SLIT3: variants seen among roughly 807,000 people sequenced by gnomAD.
SLIT3 encodes slit guidance ligand 3.
Under a neutral mutation model 184.0 loss-of-function variants are expected in SLIT3, and 68 were observed. The observed-to-expected ratio is 0.37, with a 90% CI of 0.30 to 0.45. The LOEUF is 0.45. Among genes scored for constraint, SLIT3 ranks in the 20% least tolerant of loss-of-function variants. The probability of loss-of-function intolerance (pLI) is 1.00; values close to 1 mark genes in which losing one functional copy is unlikely to be tolerated. For synonymous variants in SLIT3, 831 were observed against 828.6 expected (o/e 1.00, Z -0.05); for missense variants, 1,707 against 2,026.0 (o/e 0.84, Z 3.02).
chr5:168,910,060 T>C (rs539922167), intron 4 of SLIT3, among the ~76,000 whole-genome samples: 6 of 152,354 alleles, frequency 3.9e-5, no homozygotes, highest in African/African-American at 1.4e-4. Context: ...CAGCACATCA[T>C]CAAATGATTG....
At chr5:168,972,454 T>A (rs1268375308) in intron 4 of SLIT3, among the ~76,000 whole-genome samples, 1 of 151,504 alleles carries the variant, frequency 6.6e-6, no homozygotes, top group Non-Finnish European at 1.5e-5. Flanking sequence ...ACCCTTTTCC[T>A]AGGATTGCTT....
At position 168,724,472 on chromosome 5, in the gene SLIT3, T is replaced by TG. The variant is rs1423498486; in HGVS notation, c.2282_2283insC (p.Asn762LysfsTer20). The TG allele has an allele frequency of 1.2e-6, 2 of 1,612,940 alleles. No homozygotes were observed. Among genetic ancestry groups the TG allele is most frequent in the African/African-American group, 2.7e-5 (2 of 74,910 alleles). On this transcript the variant is annotated frameshift_variant, in exon 21 of 36. Coordinates refer to ENST00000519560, the MANE Select transcript of SLIT3 (RefSeq NM_003062.4). LOFTEE classifies it high-confidence loss of function. ...CTCTGGGCACGGCTGTTAGGTGGTT[T>TG]CCTTCCAGGTACCTGAAAGAGGTGT...
intron 4 of SLIT3, among the ~76,000 whole-genome samples, chr5:169,051,457 T>C (rs1757812138): frequency 6.6e-6 from 1 of 152,148 alleles, no homozygotes; most frequent in Non-Finnish European, 1.5e-5. Context: ...AGCTTTTACC[T>C]TCCAGAGGAG....
chr5:168,823,642 T>C (rs1757608759), intron 6 of SLIT3, among the ~76,000 whole-genome samples: 1 of 152,206 alleles, frequency 6.6e-6, no homozygotes, highest in African/African-American at 2.4e-5. Context: ...CATCTCTAAT[T>C]CTTACATCTA....
chr5:169,262,480 C>A (rs1405357844), intron 1 of SLIT3, among the ~76,000 whole-genome samples: 3 of 152,072 alleles, frequency 2.0e-5, no homozygotes, highest in African/African-American at 7.2e-5. Context: ...GTCCAGGTGA[C>A]GGCAGCAGAG....
chr5:169,063,849 C>T (rs911945718), intron 4 of SLIT3, among the ~76,000 whole-genome samples: 13 of 152,214 alleles, frequency 8.5e-5, no homozygotes, highest in Non-Finnish European at 7.3e-5. Context: ...TTAACAACTA[C>T]TGCAAAATAT....
rs1469487225 is a variant in SLIT3 at position 169,251,470 on chromosome 5, G to A, written c.198-11C>T. Reference sequence around the variant, plus strand: ...TTTCTGTCCAGGTCACTGCAATGGAGAGCAAATTCAGGTCAGATTTTTGTG... The same window carrying A: ...TTTCTGTCCAGGTCACTGCAATGGAAAGCAAATTCAGGTCAGATTTTTGTG... On this transcript the variant is annotated splice_polypyrimidine_tract_variant and intron_variant, in intron 1 of 35. Transcript: ENST00000519560. 9.4e-6 allele frequency: 15 copies of A among 1,600,742 alleles called. No homozygotes were observed. Among genetic ancestry groups the A allele is most frequent in the South Asian group, 5.5e-5 (5 of 90,778 alleles).
chr5:169,233,403 TC>T (rs1478223204), intron 3 of SLIT3, among the ~76,000 whole-genome samples: 6 of 95,598 alleles, frequency 6.3e-5, no homozygotes, highest in Non-Finnish European at 1.1e-4. Context: ...ATAGAAATTG[TC>T]TTTTTTTTTT....
chr5:169,053,218 T>C (rs1445611381), intron 4 of SLIT3, among the ~76,000 whole-genome samples: 1 of 152,246 alleles, frequency 6.6e-6, no homozygotes, highest in Non-Finnish European at 1.5e-5. Flanking sequence ...CCAGAATGAA[T>C]GAAGGGTCAA....
At chr5:169,028,213 A>T (rs1756898448) in intron 4 of SLIT3, among the ~76,000 whole-genome samples, 1 of 150,970 alleles carries the variant, frequency 6.6e-6, no homozygotes, top group Non-Finnish European at 1.5e-5. Context: ...GCCAGGGGTT[A>T]TTTCTCCAAA....
intron 4 of SLIT3, among the ~76,000 whole-genome samples, chr5:169,081,201 C>T (rs181748974): frequency 2.2e-3 from 337 of 152,332 alleles, no homozygotes; most frequent in Non-Finnish European, 3.6e-3. Context: ...CTCTGCCTCC[C>T]GCTCTGGGGC....
At chr5:169,247,248 G>T (rs200797527) in intron 2 of SLIT3, among the ~76,000 whole-genome samples, 1 of 39,506 alleles carries the variant, frequency 2.5e-5, no homozygotes, top group African/African-American at 2.3e-4. Context: ...TTCCCTTCTC[G>T]TCTTCCTTTT....
chr5:169,240,878 T>C (rs974265703), intron 3 of SLIT3, among the ~76,000 whole-genome samples: 2 of 105,586 alleles, frequency 1.9e-5, no homozygotes, highest in Non-Finnish European at 4.1e-5. Flanking sequence ...ATTTTTTGGC[T>C]TTTTTTTTTT....
At chr5:168,912,190 T>C (rs1761273268) in intron 4 of SLIT3, among the ~76,000 whole-genome samples, 1 of 152,224 alleles carries the variant, frequency 6.6e-6, no homozygotes. Flanking sequence ...ATTTTTCCCC[T>C]AGCTTACTTT....
At chr5:168,766,116 A>G (rs1581057399) in intron 14 of SLIT3, among the ~76,000 whole-genome samples, 1 of 152,190 alleles carries the variant, frequency 6.6e-6, no homozygotes, top group Non-Finnish European at 1.5e-5. Context: ...CAGGTCCAGG[A>G]TGGCTGCTGC....
chr5:168,709,014 T>G (rs1762463626), intron 25 of SLIT3, among the ~76,000 whole-genome samples: 1 of 152,058 alleles, frequency 6.6e-6, no homozygotes, highest in Non-Finnish European at 1.5e-5. Context: ...GACACAGAGC[T>G]TTCAGTGCTA....
rs574465987 is a variant in SLIT3, at chr5:168,801,096, C to T, written c.935+5350G>A. On this transcript the variant is annotated intron_variant, in intron 9 of 35. Transcript: ENST00000519560. ...GTAAGAGGCAGAACAAGGATTCGAA[C>T]CCCCAAGTGTGGATCCCAATGCTCT... Among the ~76,000 whole-genome samples the T allele has an allele frequency of 5.9e-5, 9 of 152,214 alleles. No individual in the cohort carries two copies. In the South Asian group the frequency reaches 1.9e-3, roughly 32 times the overall value.
At chr5:169,250,029 A>C (rs1370742427) in intron 2 of SLIT3, among the ~76,000 whole-genome samples, 3 of 152,206 alleles carry the variant, frequency 2.0e-5, no homozygotes, top group African/African-American at 7.2e-5. Flanking sequence ...TCATTGTCTT[A>C]GTTTTCTTAG....
At chr5:168,693,203 G>A (rs1324973727) in intron 28 of SLIT3, among the ~76,000 whole-genome samples, 2 of 152,190 alleles carry the variant, frequency 1.3e-5, no homozygotes, top group African/African-American at 4.8e-5. Flanking sequence ...TTGTAGGTGT[G>A]ACCAGAAGGG....
Sources: allele counts gnomAD v4.1 joint callset (sites outside exome capture counted in the v4.1 genomes callset), GRCh38; gene constraint gnomAD v4.1.1; transcripts MANE v1.5; gene names NCBI Gene and HGNC (gene_info 2026-07-23, HGNC 2026-07-21).